Variants in DCAF5 observed in about 807,000 individuals in gnomAD.
DCAF5 encodes DDB1- and CUL4-associated factor 5.
A neutral mutation model predicts 80.7 loss-of-function variants in DCAF5; 9 were observed. The ratio of observed to expected loss-of-function variants is 0.11; its 90% CI spans 0.07 to 0.19. The LOEUF (loss-of-function observed/expected upper bound fraction) is 0.19, where lower values mean the gene tolerates loss of function less well. Among genes scored for constraint, DCAF5 ranks in the 10% least tolerant of loss-of-function variants. DCAF5 has a pLI of 1.00. For missense variants in DCAF5, 842 were observed against 1,205.7 expected (o/e 0.70, Z 4.47); for synonymous variants, 433 against 461.9 (o/e 0.94, Z 0.80).
intron 1 of DCAF5, among the ~76,000 whole-genome samples, chr14:69,126,284 A>G (rs2040872707): frequency 6.6e-6 from 1 of 150,930 alleles, no homozygotes; most frequent in Admixed American, 6.6e-5. Flanking sequence ...CAGCCTCCTG[A>G]GTAGCTGGGA....
At position 69,090,668 on chromosome 14, in the gene DCAF5, G is replaced by A. The variant is rs117037080; in HGVS notation, c.879+1006C>T. 679 of 155,734 alleles carry A rather than the reference G, an allele frequency of 4.4e-3. 13 individuals are homozygous for A. In the East Asian group the frequency reaches 0.083, roughly 19 times the overall value. The allele number at this position is 155,734 out of a possible 1,614,324, so 9.6% of individuals were successfully genotyped here. A position where few individuals can be genotyped will look rare whatever the true frequency, so the allele number is the denominator to read the frequency against. On this transcript the variant is annotated intron_variant, in intron 6 of 8. Transcript: ENST00000341516. ...AATCCTAGCTTTTACTTCAAAAAGC[G>A]AGGTCTTGCCAGTTTCTCAAAGAAA...
At chr14:69,116,280 G>A (rs2040541915) in intron 5 of DCAF5, 86 bp downstream of exon 5, 2 of 1,478,388 alleles carry the variant, frequency 1.4e-6, no homozygotes, top group African/African-American at 1.4e-5. Context: ...TGCCAAAGAG[G>A]TCCTTACAAC....
At position 69,052,162 on chromosome 14, in the gene DCAF5, C is replaced by T. The variant is rs1040192100; in HGVS notation, c.*1695G>A. ...ATTACACACACCAGGCACATCTTCT[C>T]TTTCACAGAGCTTATCAGGATGGTA... On this transcript the variant is annotated 3_prime_UTR_variant, in exon 9 of 9. Coordinates refer to ENST00000341516, the MANE Select transcript of DCAF5 (RefSeq NM_003861.3). 7 of 152,318 alleles carry T rather than the reference C, an allele frequency of 4.6e-5. No individual in the cohort carries two copies. The highest frequency in any genetic ancestry group is 4.6e-4 in the Admixed American group (7 of 15,288). The allele number at this position is 152,318 out of a possible 1,614,324, so 9.4% of individuals were successfully genotyped here. A position where few individuals can be genotyped will look rare whatever the true frequency, so the allele number is the denominator to read the frequency against.
At chr14:69,100,062 A>G (rs1009775948) in intron 5 of DCAF5, among the ~76,000 whole-genome samples, 1 of 152,256 alleles carries the variant, frequency 6.6e-6, no homozygotes, top group African/African-American at 2.4e-5. Flanking sequence ...CAGTGAATTC[A>G]GCAGGTATTA....
chr14:69,070,372 TA>T (rs1168311208), intron 7 of DCAF5, among the ~76,000 whole-genome samples: 3 of 152,340 alleles, frequency 2.0e-5, no homozygotes, highest in African/African-American at 7.2e-5. Context: ...GATCTTACTA[TA>T]CATAGCAATA....
intron 8 of DCAF5, among the ~76,000 whole-genome samples, chr14:69,059,235 C>A (rs963855242): frequency 3.3e-5 from 5 of 152,222 alleles, no homozygotes; most frequent in African/African-American, 1.2e-4. Context: ...CAGGCAGGCA[C>A]CACCATGCCT....
chr14:69,098,495 G>T (rs894661148), intron 5 of DCAF5, among the ~76,000 whole-genome samples: 2 of 151,586 alleles, frequency 1.3e-5, no homozygotes, highest in African/African-American at 4.9e-5. Flanking sequence ...TCTTTTCTTG[G>T]TGTATCCCAT....
At chr14:69,094,760 A>G (rs2039642210) in intron 5 of DCAF5, among the ~76,000 whole-genome samples, 2 of 152,106 alleles carry the variant, frequency 1.3e-5, no homozygotes, top group South Asian at 4.1e-4. Flanking sequence ...TTCAAGTGTA[A>G]GATGCATGAA....
intron 1 of DCAF5, among the ~76,000 whole-genome samples, chr14:69,142,041 TC>T: frequency 6.6e-6 from 1 of 152,134 alleles, no homozygotes; most frequent in Non-Finnish European, 1.5e-5. Context: ...ACATCTGTAA[TC>T]CCAGCACCTT....
chr14:69,119,135 T>C, intron 3 of DCAF5, 59 bp downstream of exon 3: 1 of 1,559,452 alleles, frequency 6.4e-7, no homozygotes, highest in Non-Finnish European at 8.7e-7. Context: ...AAGAGATATT[T>C]GCCTCTTCAT....
At position 69,053,685 on chromosome 14, in the gene DCAF5, T is replaced by C; in HGVS notation, c.*172A>G. On this transcript the variant is annotated 3_prime_UTR_variant, in exon 9 of 9. Transcript: ENST00000341516. ...GCACAAGCCAATGGCCAGCTAGACA[T>C]TCAGACCCGTTGTTGAATGTTGGAT... 1 of 630,992 alleles carries C rather than the reference T, an allele frequency of 1.6e-6. No homozygotes were observed. The highest frequency in any genetic ancestry group is 2.2e-5 in the South Asian group (1 of 46,166). 39.1% of individuals were successfully genotyped at this position (630,992 alleles called of 1,614,324 possible). A position where few individuals can be genotyped will look rare whatever the true frequency, so the allele number is the denominator to read the frequency against.
rs375990691 is a variant in DCAF5, at chr14:69,055,118, C to T, written c.1568G>A (p.Arg523His). Reference sequence around the variant, plus strand: ...GGACTCATTGGAAAGGGCCAGGAGGCGTTTGTCTTGGTAGCGCCGCAGAGC... The same window carrying T: ...GGACTCATTGGAAAGGGCCAGGAGGTGTTTGTCTTGGTAGCGCCGCAGAGC... ...LSALRRYQDKRLLALSNESDS... is the reference protein window; with the variant it reads ...LSALRRYQDKHLLALSNESDS... The change falls in exon 9 of 9, where the codon CGC (arginine) becomes CAC (histidine). Residue 523 changes from arginine to histidine, a missense_variant. Physicochemically the swap from Arg to His is conservative, Grantham distance 29. Around this residue, in one of 5 missense-constraint regions of DCAF5, gnomAD observed 607 missense variants for 656.6 expected, o/e 0.92. Transcript: ENST00000341516. The surrounding 1 kb of genome is among the most constrained non-coding windows in gnomAD (Gnocchi z 5.6). 8.1e-6 allele frequency: 13 copies of T among 1,614,082 alleles called. No homozygotes were observed. The highest frequency in any genetic ancestry group is 2.2e-5 in the East Asian group (1 of 44,896).
At chr14:69,062,779 C>G (rs28527397) in intron 7 of DCAF5, among the ~76,000 whole-genome samples, 11,842 of 152,194 alleles carry the variant, frequency 0.078, 585 homozygotes, top group Admixed American at 0.15. Context: ...GAAACCAAAG[C>G]CACTTAAAAC....
intron 1 of DCAF5, among the ~76,000 whole-genome samples, chr14:69,129,617 A>G (rs1404185421): frequency 2.0e-5 from 3 of 152,190 alleles, no homozygotes; most frequent in Non-Finnish European, 4.4e-5. Context: ...ACAGAGAGAG[A>G]CTGACCTGCA....
intron 7 of DCAF5, among the ~76,000 whole-genome samples, chr14:69,069,680 G>T (rs994613006): frequency 1.3e-5 from 2 of 151,806 alleles, no homozygotes; most frequent in Admixed American, 1.3e-4. Context: ...TTGCTGTGTT[G>T]CTCAGGCTGG....
At chr14:69,130,353 G>T (rs2041003784) in intron 1 of DCAF5, among the ~76,000 whole-genome samples, 2 of 152,180 alleles carry the variant, frequency 1.3e-5, no homozygotes, top group Admixed American at 6.5e-5. Flanking sequence ...GACAAATATT[G>T]TATGATTCCA....
intron 8 of DCAF5, among the ~76,000 whole-genome samples, chr14:69,057,355 T>TG (rs2038017192): frequency 6.6e-6 from 1 of 151,904 alleles, no homozygotes; most frequent in Non-Finnish European, 1.5e-5. Context: ...AGGATTTTTT[T>TG]TTTTTGCATC....
At chr14:69,114,309 C>CA (rs1336272528) in intron 5 of DCAF5, among the ~76,000 whole-genome samples, 5 of 151,888 alleles carry the variant, frequency 3.3e-5, no homozygotes, top group African/African-American at 1.2e-4. Flanking sequence ...TTATAATGAC[C>CA]AAAAACTGGA....
rs2041757104 is a variant in DCAF5 at position 69,153,035 on chromosome 14, G to C, written c.-57C>G. 1 of 1,361,066 alleles carries C rather than the reference G, an allele frequency of 7.3e-7. No individual in the cohort carries two copies. The highest frequency in any genetic ancestry group is 1.5e-5 in the African/African-American group (1 of 65,406). 84.3% of individuals were successfully genotyped at this position (1,361,066 alleles called of 1,614,324 possible). A position where few individuals can be genotyped will look rare whatever the true frequency, so the allele number is the denominator to read the frequency against. ...CCGCCCCTCCCTCGGCCTCACGCGCGGCCGCTGCTCCCCCCACCCGGCCCT... is the reference window on the plus strand; with the variant it reads ...CCGCCCCTCCCTCGGCCTCACGCGCCGCCGCTGCTCCCCCCACCCGGCCCT... On this transcript the variant is annotated 5_prime_UTR_variant, in exon 1 of 9. Transcript: ENST00000341516.
Sources: gnomAD v4.1 joint callset for allele counts (sites outside exome capture counted in the v4.1 genomes callset) on GRCh38, gnomAD v4.1.1 for gene constraint, gnomAD v4.1.1 regional missense constraint, Gnocchi (gnomAD v3.1) non-coding constraint, MANE v1.5 for transcripts, NCBI Gene and HGNC (gene_info 2026-07-23, HGNC 2026-07-21) for gene names.